POTEJ: variants seen among roughly 807,000 people sequenced by gnomAD.
POTEJ encodes POTE ankyrin domain family, member J.
A neutral mutation model predicts 69.0 loss-of-function variants in POTEJ; 11 were observed. That is an observed-to-expected ratio of 0.16 (90% CI 0.10 to 0.26). The LOEUF is 0.26. POTEJ is among the 10% of genes least tolerant of loss of function. The pLI, the probability that POTEJ is intolerant of heterozygous loss-of-function variation, is 1.00. For synonymous variants in POTEJ, 117 were observed against 381.1 expected, an observed-to-expected ratio of 0.31 and a Z score of 8.07; for missense variants, 327 against 1,045.5, an observed-to-expected ratio of 0.31 and a Z score of 9.48.
chr2:130,634,217 AG>A (rs1226376753), intron 9 of POTEJ, among the ~76,000 whole-genome samples: 1 of 152,200 alleles, frequency 6.6e-6, no homozygotes, highest in Non-Finnish European at 1.5e-5. Flanking sequence ...CTGCAAGTGA[AG>A]TGACTCTTAT....
At chr2:130,617,779 T>G (rs1685422733) in intron 3 of POTEJ, among the ~76,000 whole-genome samples, 1 of 152,152 alleles carries the variant, frequency 6.6e-6, no homozygotes, top group Non-Finnish European at 1.5e-5. Flanking sequence ...GGAAATTAGG[T>G]AATAGAGGGA....
At chr2:130,622,624 C>T (rs1685578576) in intron 5 of POTEJ, among the ~76,000 whole-genome samples, 1 of 138,798 alleles carries the variant, frequency 7.2e-6, no homozygotes, top group Non-Finnish European at 1.6e-5. Context: ...TGGCTCCCAG[C>T]TGTGGTTGGC....
At chr2:130,655,372 A>G (rs940995027) in intron 14 of POTEJ, among the ~76,000 whole-genome samples, 10 of 152,308 alleles carry the variant, frequency 6.6e-5, no homozygotes, top group African/African-American at 2.4e-4. Flanking sequence ...TTAGTTTTTT[A>G]AAAAATGTTA....
chr2:130,632,808 A>T (rs546672825), intron 9 of POTEJ, among the ~76,000 whole-genome samples, 152 bp downstream of exon 9: 1 of 143,822 alleles, frequency 7.0e-6, no homozygotes, highest in Non-Finnish European at 1.5e-5. Flanking sequence ...GCGAACAATG[A>T]GTTACCATTT....
At chr2:130,615,558 A>G (rs1685383098) in intron 1 of POTEJ, among the ~76,000 whole-genome samples, 1 of 140,362 alleles carries the variant, frequency 7.1e-6, no homozygotes, top group Admixed American at 7.0e-5. Flanking sequence ...AAATGGTGAG[A>G]ACACACAGAT....
chr2:130,638,437 TTTC>T (rs1327313560), intron 9 of POTEJ, among the ~76,000 whole-genome samples, 179 bp from the exon 10 acceptor site: 7 of 150,890 alleles, frequency 4.6e-5, no homozygotes, highest in African/African-American at 1.7e-4. Context: ...CTTACTTTTT[TTTC>T]TTCTTTAATT....
chr2:130,637,454 G>A (rs1334557375), intron 9 of POTEJ, among the ~76,000 whole-genome samples: 14 of 150,104 alleles, frequency 9.3e-5, no homozygotes, highest in African/African-American at 2.9e-4. Flanking sequence ...CCTCGCATAA[G>A]GCGGCCACAC....
rs1488226181 is a variant in POTEJ, at chr2:130,652,104, T to TA, written c.1668-2817_1668-2816insA. Among the ~76,000 whole-genome samples, 3 of 137,488 alleles carry TA rather than the reference T, an allele frequency of 2.2e-5. No homozygotes were observed. In the East Asian group the frequency reaches 6.0e-4, roughly 28 times the overall value. 90.2% of individuals were successfully genotyped at this position (137,488 alleles called of 152,430 possible). ...GTCGGTTTCCTCCATGCTGTTCTTG[T>TA]GATAGTGAGTGAGTTCTCACAAGAG... On this transcript the variant is annotated intron_variant, in intron 13 of 14. Coordinates refer to ENST00000409602, the MANE Select transcript of POTEJ (RefSeq NM_001277083.2).
At chr2:130,612,626 G>A (rs1446693499) in intron 1 of POTEJ, among the ~76,000 whole-genome samples, 9 of 148,364 alleles carry the variant, frequency 6.1e-5, no homozygotes, top group Non-Finnish European at 9.0e-5. Context: ...AGCCGGGCAC[G>A]GTGGCAGGTG....
chr2:130,633,133 T>C (rs1241888457), intron 9 of POTEJ, among the ~76,000 whole-genome samples: 1 of 143,602 alleles, frequency 7.0e-6, no homozygotes, highest in East Asian at 1.9e-4. Context: ...TGAGTAAGAA[T>C]ATGTGGCATT....
At chr2:130,651,892 G>C (rs535144623) in intron 13 of POTEJ, among the ~76,000 whole-genome samples, 8 of 144,018 alleles carry the variant, frequency 5.6e-5, no homozygotes, top group Non-Finnish European at 1.1e-4. Context: ...AGATCATTTT[G>C]TTTTCAAACA....
At chr2:130,624,567 G>A (rs867033848) in intron 6 of POTEJ, among the ~76,000 whole-genome samples, 13 of 152,082 alleles carry the variant, frequency 8.5e-5, no homozygotes, top group South Asian at 2.1e-4. Context: ...GAGCCATAGG[G>A]AGTGGCTGTA....
At position 130,657,581 on chromosome 2, in the gene POTEJ, A is replaced by G. The variant is rs1326530256; in HGVS notation, c.2821A>G (p.Thr941Ala). The change falls in exon 15 of 15, where the codon ACC becomes GCC. Residue 941 changes from threonine (T) to alanine (A), a missense_variant. Physicochemically the swap from Thr to Ala is moderately conservative, Grantham distance 58. Transcript: ENST00000409602. ...GMESCGIHET[T>A]FNSIMKSDVD... ...GGAATCCTGTGGCATCCATGAAACTACCTTCAACTCCATCATGAAGTCTGA... is the reference window on the plus strand; with the variant it reads ...GGAATCCTGTGGCATCCATGAAACTGCCTTCAACTCCATCATGAAGTCTGA... 25 of 1,542,202 alleles carry G rather than the reference A, an allele frequency of 1.6e-5. 1 individual carries two copies. Among genetic ancestry groups the G allele is most frequent in the Non-Finnish European group, 2.2e-5 (25 of 1,134,008 alleles).
intron 6 of POTEJ, among the ~76,000 whole-genome samples, chr2:130,624,915 T>C (rs1685647718): frequency 1.3e-5 from 2 of 152,108 alleles, no homozygotes; most frequent in African/African-American, 4.8e-5. Context: ...GTAATTTTGT[T>C]AGAACAAGAT....
chr2:130,617,806 T>TTGTG (rs760103928), intron 3 of POTEJ, among the ~76,000 whole-genome samples: 606 of 151,504 alleles, frequency 4.0e-3, no homozygotes, highest in African/African-American at 6.7e-3. Context: ...CATGAAGAGG[T>TTGTG]TGTGTGTGTG....
chr2:130,648,309 T>G (rs1686666412), intron 13 of POTEJ, among the ~76,000 whole-genome samples: 1 of 145,890 alleles, frequency 6.9e-6, no homozygotes, highest in South Asian at 2.1e-4. Flanking sequence ...AAACTCCACC[T>G]GTTATGTAAA....
chr2:130,632,840 A>C (rs528849654), intron 9 of POTEJ, among the ~76,000 whole-genome samples, 184 bp downstream of exon 9: 1 of 144,590 alleles, frequency 6.9e-6, no homozygotes, highest in African/African-American at 2.7e-5. Context: ...AATTTATTTG[A>C]AAAATAACCA....
rs1316474333 is a variant in POTEJ at position 130,611,786 on chromosome 2, A to T, written c.254A>T (p.Asp85Val). 2 of 1,482,148 alleles carry T rather than the reference A, an allele frequency of 1.3e-6. No homozygotes were observed. The highest frequency in any genetic ancestry group is 3.4e-5 in the Admixed American group (2 of 58,722). 91.8% of individuals were successfully genotyped at this position (1,482,148 alleles called of 1,614,324 possible). Residue 85 changes from aspartate (D) to valine (V), a missense_variant, in exon 1 of 15, where the codon GAC (aspartate) becomes GTC (valine). Asp to Val is a radical substitution (Grantham distance 152). Transcript: ENST00000409602. ...AAGAGCAACGTGGGTGCTTGGGGAG[A>T]CTACGACGACAGCGCCTTCGTGGAG... ...SGKSNVGAWG[D>V]YDDSAFVEPR...
At chr2:130,612,862 A>G (rs1685262786) in intron 1 of POTEJ, among the ~76,000 whole-genome samples, 2 of 142,326 alleles carry the variant, frequency 1.4e-5, no homozygotes, top group Non-Finnish European at 3.1e-5. Context: ...TAAATTACAC[A>G]TGCTGTCTTT....
Sources: allele counts gnomAD v4.1 joint callset (sites outside exome capture counted in the v4.1 genomes callset), GRCh38; gene constraint gnomAD v4.1.1; transcripts MANE v1.5; gene names NCBI Gene and HGNC (gene_info 2026-07-23, HGNC 2026-07-21).